Variants in PTPRT observed in about 807,000 individuals in gnomAD.
PTPRT encodes protein tyrosine phosphatase receptor type T, also known as receptor-type tyrosine-protein phosphatase T.
Under a neutral mutation model 176.8 loss-of-function variants are expected in PTPRT, and 56 were observed. That is an observed-to-expected ratio of 0.32 (90% confidence interval 0.26 to 0.40). PTPRT has a LOEUF of 0.40. PTPRT is among the 10% of genes least tolerant of loss of function. The pLI is 1.00. For synonymous variants in PTPRT, 783 were observed against 739.0 expected (o/e 1.06, Z -0.96); for missense variants, 1,540 against 1,908.2 (o/e 0.81, Z 3.60).
At chr20:42,047,504 C>G in the PTPRT span, among the ~76,000 whole-genome samples, 1 of 152,154 alleles carries the variant, frequency 6.6e-6, no homozygotes, top group Non-Finnish European at 1.5e-5. Context: ...AGAATCATAT[C>G]GTGATGAATT....
At chr20:42,336,741 A>C (rs1280200987) in intron 11 of PTPRT, among the ~76,000 whole-genome samples, 1 of 152,346 alleles carries the variant, frequency 6.6e-6, no homozygotes, top group East Asian at 1.9e-4. Context: ...ATTTTCAACC[A>C]TATGGAAATA....
At chr20:42,656,864 C>A (rs189370133) in intron 7 of PTPRT, among the ~76,000 whole-genome samples, 68 of 152,248 alleles carry the variant, frequency 4.5e-4, no homozygotes, top group African/African-American at 1.6e-3. Context: ...TATCATATGA[C>A]ACTGGCTTTT....
intron 15 of PTPRT, among the ~76,000 whole-genome samples, chr20:42,210,533 C>T (rs1053165655): frequency 1.8e-4 from 28 of 152,264 alleles, no homozygotes; most frequent in Non-Finnish European, 3.2e-4. Flanking sequence ...CATGAGTGAA[C>T]TCCCATTCAC....
chr20:42,846,110 G>A (rs1186508798), intron 2 of PTPRT, among the ~76,000 whole-genome samples: 1 of 152,150 alleles, frequency 6.6e-6, no homozygotes, highest in Non-Finnish European at 1.5e-5. Flanking sequence ...CCAGAACCAT[G>A]GATGCCCTCA....
At chr20:42,761,802 G>A (rs2076919508) in intron 5 of PTPRT, among the ~76,000 whole-genome samples, 1 of 152,198 alleles carries the variant, frequency 6.6e-6, no homozygotes, top group African/African-American at 2.4e-5. Context: ...CTTACTAGGA[G>A]GAACAAAACC....
chr20:42,171,965 A>G lies in PTPRT; in HGVS notation c.2492-10423T>C, dbSNP rs145189632. 3.3e-3 allele frequency among the ~76,000 whole-genome samples: 510 copies of G among 152,288 alleles called. 1 individual carries two copies. Among genetic ancestry groups the G allele is most frequent in the South Asian group, 5.0e-3 (24 of 4,824 alleles). On this transcript the variant is annotated intron_variant, in intron 16 of 30. Transcript: ENST00000373187. ...TGACAAGAGCCTTGTAAGGAATCTT[A>G]TCCCCATAGGAGAGAGTCAGAAGTC...
intron 9 of PTPRT, among the ~76,000 whole-genome samples, chr20:42,441,769 T>C (rs1456168975): frequency 1.3e-5 from 2 of 152,214 alleles, no homozygotes. Flanking sequence ...GGGCAACGGA[T>C]GACGCTCTCA....
At chr20:42,998,841 G>C (rs1347267040) in intron 1 of PTPRT, among the ~76,000 whole-genome samples, 1 of 152,220 alleles carries the variant, frequency 6.6e-6, no homozygotes, top group Non-Finnish European at 1.5e-5. Context: ...GTTGGAATGA[G>C]AGGAACTTAG....
At chr20:42,277,586 A>G (rs192415086) in intron 13 of PTPRT, among the ~76,000 whole-genome samples, 1 of 152,334 alleles carries the variant, frequency 6.6e-6, no homozygotes. Context: ...ATTTGACTTC[A>G]AGGACTGATG....
intron 7 of PTPRT, among the ~76,000 whole-genome samples, chr20:42,673,489 G>C (rs967055471): frequency 4.6e-5 from 7 of 152,134 alleles, no homozygotes; most frequent in Non-Finnish European, 7.3e-5. Flanking sequence ...TGCAGTAACA[G>C]AATACCATAG....
chr20:42,659,727 A>G (rs1228364613), intron 7 of PTPRT, among the ~76,000 whole-genome samples: 2 of 152,126 alleles, frequency 1.3e-5, no homozygotes, highest in Admixed American at 1.3e-4. Flanking sequence ...GCTCAATTTT[A>G]TTGTGTTTAG....
intron 1 of PTPRT, among the ~76,000 whole-genome samples, chr20:43,075,047 G>C (rs2011239618): frequency 6.6e-6 from 1 of 152,192 alleles, no homozygotes; most frequent in African/African-American, 2.4e-5. Flanking sequence ...TCTCTGCATG[G>C]ATGCAGAACA....
At chr20:42,941,088 AAAT>A (rs528920602) in intron 1 of PTPRT, among the ~76,000 whole-genome samples, 189 of 150,444 alleles carry the variant, frequency 1.3e-3, no homozygotes, top group African/African-American at 2.1e-3. Flanking sequence ...TCTCAAAAAA[AAAT>A]AATAATAATA....
intron 9 of PTPRT, among the ~76,000 whole-genome samples, chr20:42,363,010 A>G (rs2058450868): frequency 6.9e-6 from 1 of 144,556 alleles, no homozygotes; most frequent in Admixed American, 7.1e-5. Context: ...AGGCTGAGGC[A>G]GGAGAATCAC....
At chr20:42,505,447 G>A (rs576371109) in intron 7 of PTPRT, among the ~76,000 whole-genome samples, 13 of 152,068 alleles carry the variant, frequency 8.5e-5, no homozygotes, top group South Asian at 8.3e-4. Context: ...GATTACAGGC[G>A]CCCACCACCA....
chr20:42,973,205 C>T (rs1392634676), intron 1 of PTPRT, among the ~76,000 whole-genome samples: 2 of 151,894 alleles, frequency 1.3e-5, no homozygotes, highest in African/African-American at 2.4e-5. Flanking sequence ...TCGTGGATAC[C>T]ACCTAGATTT....
chr20:43,139,197 C>T (rs1306717608), intron 1 of PTPRT, among the ~76,000 whole-genome samples: 2 of 152,222 alleles, frequency 1.3e-5, no homozygotes, highest in African/African-American at 4.8e-5. Context: ...CTTTATCAAT[C>T]GTCCTGGCCT....
At chr20:42,145,448 C>T (rs6029997) in intron 17 of PTPRT, among the ~76,000 whole-genome samples, 9,579 of 151,900 alleles carry the variant, frequency 0.063, 422 homozygotes, top group East Asian at 0.21. Context: ...TGCAGTGAGC[C>T]GAGATCACGC....
chr20:42,708,673 T>A (rs2076097884), intron 6 of PTPRT, among the ~76,000 whole-genome samples: 1 of 152,228 alleles, frequency 6.6e-6, no homozygotes, highest in South Asian at 2.1e-4. Flanking sequence ...ACCTCCTAAG[T>A]GGCTTGAACA....
Sources: allele counts gnomAD v4.1 joint callset (sites outside exome capture counted in the v4.1 genomes callset), GRCh38; gene constraint gnomAD v4.1.1; transcripts MANE v1.5; gene names NCBI Gene and HGNC (gene_info 2026-07-23, HGNC 2026-07-21).